TRPV4: variants seen among roughly 807,000 people sequenced by gnomAD.
The protein encoded by TRPV4 is OSM9-like transient receptor potential channel 4.
Under a neutral mutation model 84.1 loss-of-function variants are expected in TRPV4, and 58 were observed. That is an observed-to-expected ratio of 0.69 (90% confidence interval 0.56 to 0.86). TRPV4 has a LOEUF of 0.86. Among genes scored for constraint, TRPV4 ranks in the 40% least tolerant of loss-of-function variants. The probability of loss-of-function intolerance (pLI) is 0.00; values close to 1 mark genes in which losing one functional copy is unlikely to be tolerated. For missense variants in TRPV4, 879 were observed against 1,181.1 expected (o/e 0.74, Z 3.75); for synonymous variants, 489 against 500.9 (o/e 0.98, Z 0.32).
At position 109,814,452 on chromosome 12, in the gene TRPV4, G is replaced by A; in HGVS notation, c.345C>T (p.His115=). Residue 115 remains histidine (H), a synonymous_variant, in exon 2 of 16, where the codon CAC becomes CAT. Transcript: ENST00000261740. This position sits in a 1 kb window ranked among gnomAD's most constrained non-coding sequence, Gnocchi z 5.4. ...DSLFDYGTYR[H]HSSDNKRWRK... is the part of the protein sequence containing the mutation. ...TCCACCTCTTGTTGTCACTGGAGTGGTGACGATAGGTGCCGTAGTCAAACA... is the reference window on the plus strand; with the variant it reads ...TCCACCTCTTGTTGTCACTGGAGTGATGACGATAGGTGCCGTAGTCAAACA... 6.2e-7 allele frequency: 1 copy of A among 1,614,190 alleles called. No homozygotes were observed. The highest frequency in any genetic ancestry group is 1.3e-5 in the African/African-American group (1 of 75,050).
intron 1 of TRPV4, among the ~76,000 whole-genome samples, chr12:109,823,972 T>C (rs753883381): frequency 1.2e-4 from 18 of 151,926 alleles, no homozygotes; most frequent in Non-Finnish European, 2.1e-4. Flanking sequence ...CGCATGTGTG[T>C]GTGACAGAGA....
chr12:109,823,485 C>T (rs1207344703), intron 1 of TRPV4, among the ~76,000 whole-genome samples: 1 of 152,160 alleles, frequency 6.6e-6, no homozygotes, highest in African/African-American at 2.4e-5. Context: ...TCCAAGGGTC[C>T]CGGCCCCTGG....
rs1890191932 is a variant in TRPV4 at position 109,793,798 on chromosome 12, G to A, written c.1584+132C>T. On this transcript the variant is annotated intron_variant, in intron 9 of 15. Coordinates refer to ENST00000261740, the MANE Select transcript of TRPV4 (RefSeq NM_021625.5). This position sits in a 1 kb window ranked among gnomAD's most constrained non-coding sequence, Gnocchi z 4.0. ...ATTGGAGGAGGTAGAAGAGAAATGG[G>A]AAAATAAAAGGAGGAAGGAAAGGAG... is the stretch of plus-strand genomic sequence containing the variant. 1.2e-6 allele frequency: 1 copy of A among 862,236 alleles called. No individual in the cohort carries two copies. Among genetic ancestry groups the A allele is most frequent in the South Asian group, 1.4e-5 (1 of 69,186 alleles). The allele number at this position is 862,236 out of a possible 1,614,324, so 53.4% of individuals were successfully genotyped here.
rs1951172791 is a variant in TRPV4, at chr12:109,788,637, G to T, written c.1971C>A (p.Tyr657Ter). The T allele has an allele frequency of 6.2e-7, 1 of 1,614,246 alleles. No individual in the cohort carries two copies. The highest frequency in any genetic ancestry group is 1.7e-5 in the Admixed American group (1 of 60,024). ...AGGTCTCGCTGTCACGGCACGAGGG[G>T]TAAGTGGGCACTGTGCAGTTGGTCT... is the stretch of plus-strand genomic sequence containing the variant. Reference protein sequence around the residue: ...EDQTNCTVPTYPSCRDSETFS... With the variant: ...EDQTNCTVPT The change falls in exon 13 of 16, where the codon TAC becomes TAA. Residue 657 changes from tyrosine (Y) to a stop codon, truncating the protein, a stop_gained. Transcript: ENST00000261740. LOFTEE classifies it high-confidence loss of function.
rs548768337 is a variant in TRPV4 at position 109,830,679 on chromosome 12, G to C, written c.-32+2671C>G. Among the ~76,000 whole-genome samples, 8 of 152,296 alleles carry C rather than the reference G, an allele frequency of 5.3e-5. No individual in the cohort carries two copies. The South Asian group carries it at 1.7e-3, about 32-fold the overall frequency. On this transcript the variant is annotated intron_variant, in intron 1 of 15. Coordinates refer to ENST00000261740, the MANE Select transcript of TRPV4 (RefSeq NM_021625.5). Reference sequence around the variant, plus strand: ...TCCCTATAATTTGGAGAACGGACTGGAGTGTCTTTCCCAAAGTCAAATGGG... The same window carrying C: ...TCCCTATAATTTGGAGAACGGACTGCAGTGTCTTTCCCAAAGTCAAATGGG...
In TRPV4 at chr12:109,793,272, T is replaced by C. The variant is rs946645164; in HGVS notation, c.1658+255A>G. ...TTAACATGGCACTTCAGGCAGACAT[T>C]AGCAATCATTCACCAGCATAAGAGG... On this transcript the variant is annotated intron_variant, in intron 10 of 15. Transcript: ENST00000261740. The surrounding 1 kb of genome is among the most constrained non-coding windows in gnomAD (Gnocchi z 4.0). Among the ~76,000 whole-genome samples the C allele has an allele frequency of 6.6e-6, 1 of 152,216 alleles. No homozygotes were observed. The highest frequency in any genetic ancestry group is 1.5e-5 in the Non-Finnish European group (1 of 68,036).
chr12:109,788,114 GTCAC>G (rs765248389), intron 13 of TRPV4, among the ~76,000 whole-genome samples: 116 of 152,346 alleles, frequency 7.6e-4, no homozygotes, highest in African/African-American at 2.5e-3. Context: ...GCCGGCAGAA[GTCAC>G]TCAGTCATGC....
At chr12:109,784,565 C>T in intron 14 of TRPV4, 128 bp from the exon 15 acceptor site, 1 of 1,416,850 alleles carries the variant, frequency 7.1e-7, no homozygotes, top group Non-Finnish European at 9.7e-7. Flanking sequence ...CGTGGTGGCT[C>T]ATGCCTGCAA....
At chr12:109,825,404 C>T (rs1242218443) in intron 1 of TRPV4, among the ~76,000 whole-genome samples, 1 of 152,018 alleles carries the variant, frequency 6.6e-6, no homozygotes, top group African/African-American at 2.4e-5. Flanking sequence ...CCACCCAGGT[C>T]GTAGCAATTA....
intron 5 of TRPV4, 87 bp downstream of exon 5, chr12:109,800,529 GGT>G: frequency 6.5e-7 from 1 of 1,528,850 alleles, no homozygotes; most frequent in Non-Finnish European, 9.0e-7. Flanking sequence ...TCTGGGTGAT[GGT>G]CAGGGCTGCA....
rs61943776 is a variant in TRPV4, at chr12:109,805,370, C to G, written c.560-2227G>C. Among the ~76,000 whole-genome samples the G allele has an allele frequency of 3.7e-3, 557 of 152,276 alleles. 5 individuals are homozygous for G. The highest frequency in any genetic ancestry group is 4.3e-3 in the Non-Finnish European group (295 of 68,020). On this transcript the variant is annotated intron_variant, in intron 3 of 15. Transcript: ENST00000261740. Reference sequence around the variant, plus strand: ...GGCTTTCAGACACAGGTTATAGACCCAGGGAGGGGACGCCTGGGTCCTGGG... The same window carrying G: ...GGCTTTCAGACACAGGTTATAGACCGAGGGAGGGGACGCCTGGGTCCTGGG...
chr12:109,811,991 T>C (rs1174870478), intron 2 of TRPV4, among the ~76,000 whole-genome samples: 1 of 152,114 alleles, frequency 6.6e-6, no homozygotes, highest in East Asian at 1.9e-4. Flanking sequence ...CAGGAGGAGC[T>C]GGCTAGGAGA....
intron 7 of TRPV4, among the ~76,000 whole-genome samples, chr12:109,795,109 C>T (rs1237249191): frequency 1.3e-5 from 2 of 152,244 alleles, no homozygotes; most frequent in African/African-American, 4.8e-5. Flanking sequence ...ATTTATGTAA[C>T]TTGCTGCAAG....
At chr12:109,807,987 A>G (rs1176098913) in intron 3 of TRPV4, among the ~76,000 whole-genome samples, 1 of 152,200 alleles carries the variant, frequency 6.6e-6, no homozygotes, top group Non-Finnish European at 1.5e-5. Flanking sequence ...GAGAGGTCAC[A>G]CATCGCTTAA....
chr12:109,784,301 C>T lies in TRPV4; in HGVS notation c.2458+15G>A, dbSNP rs372913114. ...ATGGACTGGGGCTCCCCTCCGCACC[C>T]GCCCCTCCACTCACCCCTGCGGAGG... On this transcript the variant is annotated intron_variant, in intron 15 of 15. Coordinates refer to ENST00000261740, the MANE Select transcript of TRPV4 (RefSeq NM_021625.5). 26 of 1,613,940 alleles carry T rather than the reference C, an allele frequency of 1.6e-5. No homozygotes were observed. Among genetic ancestry groups the T allele is most frequent in the East Asian group, 1.3e-4 (6 of 44,892 alleles).
chr12:109,805,487 G>A (rs1310986860), intron 3 of TRPV4, among the ~76,000 whole-genome samples: 1 of 152,176 alleles, frequency 6.6e-6, no homozygotes, highest in African/African-American at 2.4e-5. Flanking sequence ...CTCTGCCCAG[G>A]GTGGGGTGCT....
At chr12:109,818,150 T>C (rs1741401591) in intron 1 of TRPV4, among the ~76,000 whole-genome samples, 1 of 151,946 alleles carries the variant, frequency 6.6e-6, no homozygotes, top group African/African-American at 2.4e-5. Flanking sequence ...GGACTGGGGA[T>C]GTCCTGGGTG....
chr12:109,809,144 TCATCACTCATCCATC>T (rs1460430841), intron 2 of TRPV4, among the ~76,000 whole-genome samples: 6 of 86,562 alleles, frequency 6.9e-5, no homozygotes, highest in Admixed American at 1.3e-4. Context: ...ATCCATCCAT[TCATCACTCATCCATC>T]CATCACTCAT....
In TRPV4 at chr12:109,820,514, C is replaced by CTTTTTTTTTTTTTT. The variant is rs1186445597; in HGVS notation, c.-31-5688_-31-5687insAAAAAAAAAAAAAA. 3.1e-3 allele frequency among the ~76,000 whole-genome samples: 384 copies of CTTTTTTTTTTTTTT among 123,056 alleles called. 46 individuals are homozygous for CTTTTTTTTTTTTTT. The highest frequency in any genetic ancestry group is 0.014 in the East Asian group (44 of 3,210). 80.7% of individuals were successfully genotyped at this position (123,056 alleles called of 152,430 possible). A position where few individuals can be genotyped will look rare whatever the true frequency, so the allele number is the denominator to read the frequency against. On this transcript the variant is annotated intron_variant, in intron 1 of 15. Transcript: ENST00000261740. ...CTGATCTTCACTTTCTTCAGCTGCC[C>CTTTTTTTTTTTTTT]TATTTTTTTTTTTTTTTTTTTTTTT...
Sources: allele counts gnomAD v4.1 joint callset (sites outside exome capture counted in the v4.1 genomes callset), GRCh38; gene constraint gnomAD v4.1.1; non-coding constraint Gnocchi (gnomAD v3.1); transcripts MANE v1.5; gene names NCBI Gene and HGNC (gene_info 2026-07-23, HGNC 2026-07-21).